Variants in TDRD9 observed in about 807,000 individuals in gnomAD.
TDRD9 encodes ATP-dependent RNA helicase TDRD9.
A neutral mutation model predicts 172.6 loss-of-function variants in TDRD9; 124 were observed. That is an observed-to-expected ratio of 0.72 (90% CI 0.62 to 0.83). The LOEUF is 0.83. TDRD9 is among the 40% of genes least tolerant of loss of function. The probability of loss-of-function intolerance (pLI) is 0.00; values close to 1 mark genes in which losing one functional copy is unlikely to be tolerated. For synonymous variants in TDRD9, 619 were observed against 617.1 expected (o/e 1.00, Z -0.05); for missense variants, 1,479 against 1,714.1 (o/e 0.86, Z 2.42).
At position 103,994,332 on chromosome 14, in the gene TDRD9, G is replaced by T; in HGVS notation, c.1181G>T (p.Gly394Val). ...ERSSVLVFLP[G>V]LGEINYMHEL... ...CCTCCTCCACTTTTTTCTTCCCTAG[G>T]TCTGGGTGAAATAAATTATATGCAT... The change falls in exon 10 of 36, where the codon GGT becomes GTT. Residue 394 changes from glycine (G) to valine (V), a missense_variant and splice_region_variant. By Grantham distance (109) the Gly-to-Val change is moderately radical. Transcript: ENST00000409874. 6.2e-7 allele frequency: 1 copy of T among 1,613,236 alleles called. No individual in the cohort carries two copies.
chr14:103,953,488 T>C (rs962218051), intron 1 of TDRD9, among the ~76,000 whole-genome samples: 2 of 152,248 alleles, frequency 1.3e-5, no homozygotes, highest in Non-Finnish European at 2.9e-5. Context: ...ACAGGACTAA[T>C]AAGATATATA....
intron 9 of TDRD9, among the ~76,000 whole-genome samples, chr14:103,992,798 A>G (rs991845718): frequency 1.3e-5 from 2 of 151,614 alleles, no homozygotes; most frequent in African/African-American, 4.8e-5. Flanking sequence ...GGTGGCGGGC[A>G]CCTGTGGTCC....
chr14:103,928,646 T>G lies in TDRD9; in HGVS notation c.137T>G (p.Val46Gly), dbSNP rs2030136280. ...AGGGAGGAGGTGCAGCGCCAGGACG[T>G]GGCCCCCGGCGCTGGTCCCGCGGCC... Reference protein sequence around the residue: ...AAREEVQRQDVAPGAGPAAQA... With the variant: ...AAREEVQRQDGAPGAGPAAQA... Residue 46 changes from valine to glycine, a missense_variant, in exon 1 of 36, where the codon GTG becomes GGG. This residue lies in a region of TDRD9 where 1,413 missense variants were observed against 1,649.1 expected (regional missense o/e 0.86). Transcript: ENST00000409874. 1 of 1,273,380 alleles carries G rather than the reference T, an allele frequency of 7.9e-7. No homozygotes were observed. The highest frequency in any genetic ancestry group is 1.0e-6 in the Non-Finnish European group (1 of 996,762). 78.9% of individuals were successfully genotyped at this position (1,273,380 alleles called of 1,614,324 possible).
At chr14:104,002,715 C>T (rs1442016927) in intron 13 of TDRD9, among the ~76,000 whole-genome samples, 3 of 143,788 alleles carry the variant, frequency 2.1e-5, no homozygotes, top group African/African-American at 7.3e-5. Context: ...TTAGGCTAAC[C>T]TTTTTTCTTT....
intron 27 of TDRD9, 128 bp from the exon 28 acceptor site, chr14:104,026,551 A>T: frequency 9.3e-7 from 1 of 1,075,054 alleles, no homozygotes; most frequent in Middle Eastern, 2.4e-4. Context: ...CCCCAACATT[A>T]GTTTTATTGG....
rs574657245 is a variant in TDRD9, at chr14:104,049,600, T to A, written c.3975-8T>A. ...TAATTAAGATAATTTCTTTTTTTTT[T>A]AAATTAGTTTGTTCTGTCAGTCAAA... On this transcript the variant is annotated splice_polypyrimidine_tract_variant and splice_region_variant and intron_variant, in intron 34 of 35. Coordinates refer to ENST00000409874, the MANE Select transcript of TDRD9 (RefSeq NM_153046.3). 1.4e-4 allele frequency: 222 copies of A among 1,539,002 alleles called. No homozygotes were observed. The highest frequency in any genetic ancestry group is 6.7e-4 in the Admixed American group (33 of 49,584).
At chr14:104,024,011 A>C (rs1335461063) in intron 24 of TDRD9, among the ~76,000 whole-genome samples, 1 of 152,246 alleles carries the variant, frequency 6.6e-6, no homozygotes, top group Non-Finnish European at 1.5e-5. Flanking sequence ...ATAAAGTATT[A>C]GGAAATTTTT....
At chr14:103,957,385 T>C (rs973041765) in intron 2 of TDRD9, among the ~76,000 whole-genome samples, 2 of 152,228 alleles carry the variant, frequency 1.3e-5, no homozygotes, top group African/African-American at 2.4e-5. Flanking sequence ...ATCTAACATC[T>C]TTAGTTGATC....
intron 1 of TDRD9, chr14:103,941,545 C>T (rs1459810792): frequency 6.5e-7 from 1 of 1,535,300 alleles, no homozygotes; most frequent in Non-Finnish European, 8.7e-7. Flanking sequence ...ACTTTTTGTT[C>T]ATTTTCGATT....
At chr14:103,952,651 T>C (rs904630248) in intron 1 of TDRD9, among the ~76,000 whole-genome samples, 1 of 151,586 alleles carries the variant, frequency 6.6e-6, no homozygotes, top group Non-Finnish European at 1.5e-5. Flanking sequence ...AAAATACTAC[T>C]GCATTTACCT....
intron 2 of TDRD9, among the ~76,000 whole-genome samples, chr14:103,962,725 T>G (rs2032563646): frequency 1.3e-5 from 2 of 152,130 alleles, no homozygotes; most frequent in African/African-American, 4.8e-5. Flanking sequence ...TGTGAGAACA[T>G]TTAATATTTG....
rs561228017 is a variant in TDRD9, at chr14:104,018,269, A to G, written c.2432+77A>G. ...AAATGTTTCCAGACGCTGATTGTTA[A>G]AACGGAGTGCCCATGGAAATGGGTC... On this transcript the variant is annotated intron_variant, in intron 23 of 35. Transcript: ENST00000409874. The G allele has an allele frequency of 8.5e-6, 8 of 942,876 alleles. No homozygotes were observed. The African/African-American group carries it at 1.3e-4, about 16-fold the overall frequency. The allele number at this position is 942,876 out of a possible 1,614,324, so 58.4% of individuals were successfully genotyped here. A position where few individuals can be genotyped will look rare whatever the true frequency, so the allele number is the denominator to read the frequency against.
In TDRD9 at chr14:104,025,618, A is replaced by G; in HGVS notation, c.2773A>G (p.Ile925Val). The change falls in exon 26 of 36, where the codon ATT (isoleucine) becomes GTT (valine). Residue 925 changes from isoleucine to valine, a missense_variant. Physicochemically the swap from Ile to Val is conservative, Grantham distance 29. Coordinates refer to ENST00000409874, the MANE Select transcript of TDRD9 (RefSeq NM_153046.3). The stretch of plus-strand genomic sequence containing the variant: ...CAGGATTGATGAAAACAACTCAGAG[A>G]TTCTGAAAAAGCTTACTGCTGAAAT... Reference protein sequence around the residue: ...GYRIDENNSEILKKLTAEINQ... With the variant: ...GYRIDENNSEVLKKLTAEINQ... 2 of 1,613,972 alleles carry G rather than the reference A, an allele frequency of 1.2e-6. No individual in the cohort carries two copies. Among genetic ancestry groups the G allele is most frequent in the Non-Finnish European group, 8.5e-7 (1 of 1,179,880 alleles).
At chr14:104,002,335 A>C (rs1166801568) in intron 13 of TDRD9, among the ~76,000 whole-genome samples, 1 of 116,906 alleles carries the variant, frequency 8.6e-6, no homozygotes, top group East Asian at 2.5e-4. Flanking sequence ...AAAAAAAAAA[A>C]AAGAAAAAAA....
At position 103,928,509 on chromosome 14, in the gene TDRD9, G is replaced by A; in HGVS notation, c.-1G>A. 5.6e-6 allele frequency: 8 copies of A among 1,430,566 alleles called. No homozygotes were observed. The highest frequency in any genetic ancestry group is 7.4e-6 in the Non-Finnish European group (8 of 1,082,104). The allele number at this position is 1,430,566 out of a possible 1,614,324, so 88.6% of individuals were successfully genotyped here. On this transcript the variant is annotated 5_prime_UTR_variant, in exon 1 of 36. Coordinates refer to ENST00000409874, the MANE Select transcript of TDRD9 (RefSeq NM_153046.3). ...GGGATGCCGACGCCTGGGCCTTGAG[G>A]ATGCTGCGGAAGCTCACCATCGAGC...
At chr14:103,956,868 G>A (rs2032273553) in intron 2 of TDRD9, among the ~76,000 whole-genome samples, 1 of 152,108 alleles carries the variant, frequency 6.6e-6, no homozygotes, top group African/African-American at 2.4e-5. Flanking sequence ...TATGCTAGAA[G>A]TTATCTTTTG....
chr14:104,037,331 G>A (rs952345338), intron 32 of TDRD9, among the ~76,000 whole-genome samples: 61 of 152,268 alleles, frequency 4.0e-4, no homozygotes, highest in African/African-American at 1.4e-3. Flanking sequence ...ATGCGCACCC[G>A]CATGGGACTC....
At chr14:104,022,070 C>T in intron 23 of TDRD9, 87 bp from the exon 24 acceptor site, 5 of 1,041,374 alleles carry the variant, frequency 4.8e-6, no homozygotes, top group Non-Finnish European at 7.0e-6. Flanking sequence ...AGAGATGTGA[C>T]AGAATTTCTG....
intron 1 of TDRD9, chr14:103,940,656 G>A (rs930673399): frequency 3.5e-6 from 2 of 576,886 alleles, no homozygotes; most frequent in African/African-American, 3.7e-5. Flanking sequence ...GTTTAGAGTG[G>A]TTAAAAAAAG....
Sources: allele counts gnomAD v4.1 joint callset (sites outside exome capture counted in the v4.1 genomes callset), GRCh38; gene constraint gnomAD v4.1.1; regional missense constraint gnomAD v4.1.1; transcripts MANE v1.5; gene names NCBI Gene and HGNC (gene_info 2026-07-23, HGNC 2026-07-21).